DOCK4: variants seen among roughly 807,000 people sequenced by gnomAD.
DOCK4 encodes the protein dedicator of cytokinesis 4.
In DOCK4, 97 loss-of-function variants were observed where a neutral mutation model predicts 268.1. The observed-to-expected ratio is 0.36, with a 90% CI of 0.31 to 0.43. The LOEUF (loss-of-function observed/expected upper bound fraction) is 0.43. Among genes scored for constraint, DOCK4 ranks in the 20% least tolerant of loss-of-function variants. The probability of loss-of-function intolerance (pLI) is 1.00; values close to 1 mark genes in which losing one functional copy is unlikely to be tolerated. For missense variants in DOCK4, 2,145 were observed against 2,455.7 expected (o/e 0.87, Z 2.67); for synonymous variants, 954 against 887.2 (o/e 1.08, Z -1.34).
chr7:111,874,052 A>G (rs1806646885), intron 17 of DOCK4, among the ~76,000 whole-genome samples: 1 of 152,168 alleles, frequency 6.6e-6, no homozygotes, highest in African/African-American at 2.4e-5. Flanking sequence ...ACTCAGGGCG[A>G]CAAAGGCAAA....
intron 1 of DOCK4, among the ~76,000 whole-genome samples, chr7:112,004,653 C>T (rs553645202): frequency 2.6e-5 from 4 of 152,284 alleles, no homozygotes; most frequent in African/African-American, 7.2e-5. Context: ...CTTACCATTA[C>T]GTGCCCAGAG....
At chr7:112,025,672 C>A (rs1034615370) in intron 1 of DOCK4, among the ~76,000 whole-genome samples, 1 of 152,162 alleles carries the variant, frequency 6.6e-6, no homozygotes, top group Non-Finnish European at 1.5e-5. Flanking sequence ...AAAGTGCTAA[C>A]CCTCTGTGGC....
chr7:111,853,779 G>A (rs991858249), intron 23 of DOCK4, among the ~76,000 whole-genome samples: 5 of 152,186 alleles, frequency 3.3e-5, no homozygotes, highest in East Asian at 1.9e-4. Flanking sequence ...TGGTAGTTAC[G>A]CCACCTCCTG....
chr7:112,063,979 C>T (rs1229773511), intron 1 of DOCK4, among the ~76,000 whole-genome samples: 1 of 152,066 alleles, frequency 6.6e-6, no homozygotes. Context: ...TTTTTCCTTC[C>T]CAAGTCTCCC....
intron 26 of DOCK4, among the ~76,000 whole-genome samples, chr7:111,823,397 G>A (rs1256383530): frequency 4.0e-5 from 6 of 151,602 alleles, no homozygotes; most frequent in East Asian, 1.9e-4. Flanking sequence ...TAGTAGAGAC[G>A]GGGTTTCACC....
At chr7:111,876,177 A>G (rs1806853730) in intron 17 of DOCK4, among the ~76,000 whole-genome samples, 4 of 152,196 alleles carry the variant, frequency 2.6e-5, no homozygotes, top group Admixed American at 2.6e-4. Context: ...AACCTGGTAT[A>G]ACATATCTTA....
intron 12 of DOCK4, among the ~76,000 whole-genome samples, chr7:111,928,305 C>A (rs1281944995): frequency 6.6e-6 from 1 of 152,132 alleles, no homozygotes; most frequent in South Asian, 2.1e-4. Flanking sequence ...TTTTCCTATG[C>A]AGCAAATCTT....
chr7:111,827,283 C>T (rs1180700116), intron 26 of DOCK4, among the ~76,000 whole-genome samples: 1 of 152,100 alleles, frequency 6.6e-6, no homozygotes. Context: ...AGCTATATAA[C>T]CATTTTTCTG....
chr7:111,788,816 G>A lies in DOCK4; in HGVS notation c.3316-69C>T, dbSNP rs571356562. 1.5e-4 allele frequency: 205 copies of A among 1,325,554 alleles called. No individual in the cohort carries two copies. In the African/African-American group the frequency reaches 2.3e-3, roughly 15 times the overall value. The allele number at this position is 1,325,554 out of a possible 1,614,324, so 82.1% of individuals were successfully genotyped here. A position where few individuals can be genotyped will look rare whatever the true frequency, so the allele number is the denominator to read the frequency against. ...GTAGGATTTCTAGGCAAGTTAAAAC[G>A]TATTTCTTTGTGCCAAGGAAAAAGC... On this transcript the variant is annotated intron_variant, in intron 31 of 52. Transcript: ENST00000428084.
At chr7:111,925,397 G>C (rs574959384) in intron 12 of DOCK4, among the ~76,000 whole-genome samples, 2 of 152,312 alleles carry the variant, frequency 1.3e-5, no homozygotes, top group South Asian at 2.1e-4. Flanking sequence ...CTCTGAAGCA[G>C]AGGAAAGAAA....
intron 8 of DOCK4, among the ~76,000 whole-genome samples, chr7:111,959,000 G>T (rs552305123): frequency 1.3e-5 from 2 of 152,042 alleles, no homozygotes; most frequent in Non-Finnish European, 2.9e-5. Flanking sequence ...GGAGTAAACC[G>T]CAAATCTGAT....
intron 1 of DOCK4, among the ~76,000 whole-genome samples, chr7:112,162,171 T>A (rs1161764162): frequency 1.3e-5 from 2 of 152,194 alleles, no homozygotes; most frequent in African/African-American, 2.4e-5. Context: ...TTATCTGGCA[T>A]CAAGAGAGCA....
In DOCK4 at chr7:111,726,708, C is replaced by G. The variant is rs1026413690; in HGVS notation, c.*1566G>C. Reference sequence around the variant, plus strand: ...TATGTACAAATATTCTTTTTCCATACGTAAAGTATTTGGCATAATTATAAC... The same window carrying G: ...TATGTACAAATATTCTTTTTCCATAGGTAAAGTATTTGGCATAATTATAAC... On this transcript the variant is annotated 3_prime_UTR_variant, in exon 53 of 53. Coordinates refer to ENST00000428084, the MANE Select transcript of DOCK4 (RefSeq NM_001363540.2). 6.6e-6 allele frequency: 1 copy of G among 152,562 alleles called. No individual in the cohort carries two copies. Among genetic ancestry groups the G allele is most frequent in the Non-Finnish European group, 1.5e-5 (1 of 68,012 alleles). 9.5% of individuals were successfully genotyped at this position (152,562 alleles called of 1,614,324 possible). A position where few individuals can be genotyped will look rare whatever the true frequency, so the allele number is the denominator to read the frequency against.
At chr7:112,159,830 G>GTA (rs1013854822) in intron 1 of DOCK4, among the ~76,000 whole-genome samples, 11 of 147,844 alleles carry the variant, frequency 7.4e-5, no homozygotes, top group Admixed American at 2.7e-4. Flanking sequence ...ATAATATTAT[G>GTA]TATATATATA....
intron 1 of DOCK4, among the ~76,000 whole-genome samples, chr7:112,141,029 C>A (rs1002377007): frequency 2.0e-5 from 3 of 152,176 alleles, no homozygotes; most frequent in Non-Finnish European, 2.9e-5. Context: ...TGACTATTCT[C>A]AACCCTGAAT....
At chr7:112,173,606 G>A (rs975394379) in intron 1 of DOCK4, among the ~76,000 whole-genome samples, 3 of 152,118 alleles carry the variant, frequency 2.0e-5, no homozygotes, top group African/African-American at 7.2e-5. Flanking sequence ...GTAGGTATTA[G>A]TTGGGTAATA....
intron 44 of DOCK4, among the ~76,000 whole-genome samples, chr7:111,743,158 T>A (rs1385771990): frequency 1.3e-5 from 2 of 152,210 alleles, no homozygotes; most frequent in Non-Finnish European, 2.9e-5. Flanking sequence ...ATCAACAGTG[T>A]GTGATTCCTT....
intron 32 of DOCK4, chr7:111,784,381 T>C (rs1799018389): frequency 1.5e-6 from 1 of 651,568 alleles, no homozygotes; most frequent in Non-Finnish European, 2.8e-6. Flanking sequence ...AATATTTTCC[T>C]ACCTCTCAGT....
rs749137816 is a variant in DOCK4, at chr7:111,728,513, C to G, written c.5689G>C (p.Gly1897Arg). ...VPVPVPVPSY[G>R]GEEPVRKESK... is the part of the protein sequence containing the mutation. ...TCCTTGCGCACTGGCTCCTCCCCGCCGTAGCTCGGCACGGGCACCGGCACT... is the reference window on the plus strand; with the variant it reads ...TCCTTGCGCACTGGCTCCTCCCCGCGGTAGCTCGGCACGGGCACCGGCACT... The change falls in exon 53 of 53, where the codon GGC (glycine) becomes CGC (arginine). Residue 1897 changes from glycine (G) to arginine (R), a missense_variant. By Grantham distance (125) the Gly-to-Arg change is moderately radical. Coordinates refer to ENST00000428084, the MANE Select transcript of DOCK4 (RefSeq NM_001363540.2). 1.2e-6 allele frequency: 2 copies of G among 1,613,466 alleles called. No individual in the cohort carries two copies. The highest frequency in any genetic ancestry group is 4.5e-5 in the East Asian group (2 of 44,886).
Sources: allele counts gnomAD v4.1 joint callset (sites outside exome capture counted in the v4.1 genomes callset), GRCh38; gene constraint gnomAD v4.1.1; transcripts MANE v1.5; gene names NCBI Gene and HGNC (gene_info 2026-07-23, HGNC 2026-07-21).